The following IGF2BP3 variants were observed in gnomAD, a reference collection of about 807,000 sequenced individuals.
IGF2BP3 encodes the protein insulin-like growth factor 2 mRNA-binding protein 3.
A neutral mutation model predicts 73.8 loss-of-function variants in IGF2BP3; 9 were observed. The observed-to-expected ratio is 0.12, with a 90% CI of 0.07 to 0.21. The LOEUF (loss-of-function observed/expected upper bound fraction) is 0.21, where lower values mean the gene tolerates loss of function less well. Among genes scored for constraint, IGF2BP3 ranks in the 10% least tolerant of loss-of-function variants. The pLI, the probability that IGF2BP3 is intolerant of heterozygous loss-of-function variation, is 1.00. For missense variants in IGF2BP3, 542 were observed against 714.0 expected, an observed-to-expected ratio of 0.76 and a Z score of 2.75; for synonymous variants, 258 against 256.7, an observed-to-expected ratio of 1.01 and a Z score of -0.05.
At chr7:23,460,197 C>CAAAAAA (rs61675193) in intron 2 of IGF2BP3, among the ~76,000 whole-genome samples, 1 of 113,326 alleles carries the variant, frequency 8.8e-6, no homozygotes, top group Non-Finnish European at 1.8e-5. Context: ...AAAAAAAAAA[C>CAAAAAA]AAAAACGAAA....
intron 2 of IGF2BP3, among the ~76,000 whole-genome samples, chr7:23,433,391 C>A (rs1057016878): frequency 6.6e-6 from 1 of 151,858 alleles, no homozygotes; most frequent in South Asian, 2.1e-4. Context: ...AAAATACATA[C>A]AGATGTTGAA....
intron 2 of IGF2BP3, among the ~76,000 whole-genome samples, chr7:23,452,535 G>T: frequency 6.6e-6 from 1 of 152,144 alleles, no homozygotes; most frequent in Admixed American, 6.5e-5. Flanking sequence ...CAGGCGTGGT[G>T]GCTCATGCCT....
intron 3 of IGF2BP3, among the ~76,000 whole-genome samples, chr7:23,392,151 T>A (rs763076195): frequency 3.9e-5 from 6 of 152,160 alleles, no homozygotes; most frequent in Non-Finnish European, 8.8e-5. Flanking sequence ...CTTCTCTGCA[T>A]TCATGAATGT....
chr7:23,378,615 C>A (rs147491572), intron 3 of IGF2BP3, among the ~76,000 whole-genome samples: 2,098 of 135,906 alleles, frequency 0.015, 69 homozygotes, highest in East Asian at 0.12. Flanking sequence ...CGCTCTGTCG[C>A]CAGGCTGGAG....
intron 2 of IGF2BP3, among the ~76,000 whole-genome samples, chr7:23,465,335 A>G (rs916796391): frequency 3.9e-5 from 6 of 152,236 alleles, no homozygotes; most frequent in African/African-American, 1.2e-4. Flanking sequence ...CAGATATCCA[A>G]TGCAATCTTC....
chr7:23,470,198 G>T lies in IGF2BP3; in HGVS notation c.-88C>A. ...GTGATGGATGGATCCAGCTGGTTTT[G>T]TTCCCCTCGTCTTCTCGCCTTTAAA... On this transcript the variant is annotated 5_prime_UTR_variant, in exon 1 of 15. Transcript: ENST00000258729. 9.3e-7 allele frequency: 1 copy of T among 1,071,414 alleles called. No homozygotes were observed. Among genetic ancestry groups the T allele is most frequent in the Non-Finnish European group, 1.4e-6 (1 of 739,492 alleles). 66.4% of individuals were successfully genotyped at this position (1,071,414 alleles called of 1,614,324 possible). A position where few individuals can be genotyped will look rare whatever the true frequency, so the allele number is the denominator to read the frequency against.
At chr7:23,346,842 C>T (rs1306687763) in intron 7 of IGF2BP3, among the ~76,000 whole-genome samples, 7 of 152,116 alleles carry the variant, frequency 4.6e-5, no homozygotes, top group African/African-American at 9.7e-5. Flanking sequence ...CCACCCGCCT[C>T]GGCCTCCCAA....
intron 2 of IGF2BP3, among the ~76,000 whole-genome samples, chr7:23,443,675 AAATAAT>A (rs903748196): frequency 6.6e-6 from 1 of 151,838 alleles, no homozygotes; most frequent in Non-Finnish European, 1.5e-5. Flanking sequence ...TCCATCTCAA[AAATAAT>A]AATAATAATA....
In IGF2BP3 at chr7:23,456,199, A is replaced by G. The variant is rs377526380; in HGVS notation, c.236+12283T>C. ...CCAAAGAAAGAGCAAGAGCTTCTCC[A>G]TTTTTTGCAAAACCAGCTGGAAAAA... On this transcript the variant is annotated intron_variant, in intron 2 of 14. Coordinates refer to ENST00000258729, the MANE Select transcript of IGF2BP3 (RefSeq NM_006547.3). Among the ~76,000 whole-genome samples the G allele has an allele frequency of 7.7e-4, 113 of 147,426 alleles. 1 individual carries two copies. Among genetic ancestry groups the G allele is most frequent in the Non-Finnish European group, 1.5e-3 (98 of 66,656 alleles).
intron 2 of IGF2BP3, among the ~76,000 whole-genome samples, chr7:23,454,045 CT>C (rs1203249490): frequency 6.6e-6 from 1 of 152,072 alleles, no homozygotes; most frequent in Non-Finnish European, 1.5e-5. Context: ...CCAGCCTGGT[CT>C]CAAACTCCTG....
chr7:23,415,805 T>G (rs775036294), intron 3 of IGF2BP3, among the ~76,000 whole-genome samples: 1 of 152,302 alleles, frequency 6.6e-6, no homozygotes. Flanking sequence ...GGCTGCTCCT[T>G]ACAGTCACTA....
chr7:23,337,776 C>T (rs1308058772), intron 10 of IGF2BP3, among the ~76,000 whole-genome samples: 6 of 152,194 alleles, frequency 3.9e-5, no homozygotes, highest in Admixed American at 1.3e-4. Flanking sequence ...CTCAAGCAAT[C>T]CTCCCACCTC....
At chr7:23,343,987 G>A (rs891802548) in intron 8 of IGF2BP3, 134 bp from the exon 9 acceptor site, 13 of 776,648 alleles carry the variant, frequency 1.7e-5, no homozygotes, top group Non-Finnish European at 2.2e-5. Flanking sequence ...AAAACATGAT[G>A]GGAAATGAGT....
At chr7:23,389,994 A>C (rs745749052) in intron 3 of IGF2BP3, among the ~76,000 whole-genome samples, 10 of 152,048 alleles carry the variant, frequency 6.6e-5, no homozygotes, top group Non-Finnish European at 1.3e-4. Context: ...ACACACACAC[A>C]CCCCTTTGAC....
At chr7:23,442,197 G>A (rs1320191454) in intron 2 of IGF2BP3, among the ~76,000 whole-genome samples, 1 of 152,086 alleles carries the variant, frequency 6.6e-6, no homozygotes. Context: ...TGTCTCCCTA[G>A]CACCTAGGCA....
At chr7:23,450,312 G>A (rs948969654) in intron 2 of IGF2BP3, among the ~76,000 whole-genome samples, 5 of 152,138 alleles carry the variant, frequency 3.3e-5, no homozygotes, top group African/African-American at 9.7e-5. Context: ...GTCAAGCACC[G>A]TTTCTACCTG....
chr7:23,466,210 A>T (rs1447579372), intron 2 of IGF2BP3, among the ~76,000 whole-genome samples: 1 of 152,054 alleles, frequency 6.6e-6, no homozygotes, highest in Non-Finnish European at 1.5e-5. Context: ...TTTAGTAGAG[A>T]TGGGGTTTCA....
Position 23,380,157 on chromosome 7 carries a change from CTTTTT to C in IGF2BP3, c.286-18421_286-18417del, listed in dbSNP as rs10571084. On this transcript the variant is annotated intron_variant, in intron 3 of 14. Transcript: ENST00000258729. ...ACCGTGGAGACTGCCCACTATGCCT[CTTTTT>C]TTTTTTTTTTTTTTTTTTTGAGATG... 7.5e-4 allele frequency among the ~76,000 whole-genome samples: 54 copies of C among 71,806 alleles called. 1 individual carries two copies. The highest frequency in any genetic ancestry group is 1.6e-3 in the African/African-American group (28 of 17,394). The allele number at this position is 71,806 out of a possible 152,430, so 47.1% of individuals were successfully genotyped here.
At chr7:23,411,841 C>A in intron 3 of IGF2BP3, among the ~76,000 whole-genome samples, 1 of 152,102 alleles carries the variant, frequency 6.6e-6, no homozygotes, top group East Asian at 1.9e-4. Context: ...TCTCAGCACA[C>A]GTTCATCCAC....
Sources: gnomAD v4.1 joint callset for allele counts (sites outside exome capture counted in the v4.1 genomes callset) on GRCh38, gnomAD v4.1.1 for gene constraint, MANE v1.5 for transcripts, NCBI Gene and HGNC (gene_info 2026-07-23, HGNC 2026-07-21) for gene names.